Variants in SLC5A1 observed in about 807,000 individuals in gnomAD.
SLC5A1 encodes the protein solute carrier family 5 member 1.
Under a neutral mutation model 73.5 loss-of-function variants are expected in SLC5A1, and 42 were observed. The observed-to-expected ratio is 0.57, with a 90% CI of 0.45 to 0.74. SLC5A1 has a LOEUF of 0.74. Among genes scored for constraint, SLC5A1 ranks in the 30% least tolerant of loss-of-function variants. The pLI, the probability that SLC5A1 is intolerant of heterozygous loss-of-function variation, is 0.00. For synonymous variants in SLC5A1, 300 were observed against 317.4 expected, an observed-to-expected ratio of 0.95 and a Z score of 0.58; for missense variants, 634 against 855.4, an observed-to-expected ratio of 0.74 and a Z score of 3.23.
chr22:32,061,496 A>C (rs2093962968), intron 2 of SLC5A1, among the ~76,000 whole-genome samples: 1 of 152,126 alleles, frequency 6.6e-6, no homozygotes, highest in East Asian at 1.9e-4. Context: ...AGGAGGCACA[A>C]GGGGGAAACA....
chr22:32,091,830 C>T, intron 11 of SLC5A1, 68 bp downstream of exon 11: 1 of 1,546,778 alleles, frequency 6.5e-7, no homozygotes. Context: ...TGTTACCCCT[C>T]AAGCTAGGGA....
chr22:32,087,956 G>A (rs892366678), intron 10 of SLC5A1, among the ~76,000 whole-genome samples: 1 of 152,118 alleles, frequency 6.6e-6, no homozygotes, highest in Non-Finnish European at 1.5e-5. Flanking sequence ...TGAGGAATTC[G>A]GGAGAGTCTT....
In SLC5A1 at chr22:32,086,217, C is replaced by G; in HGVS notation, c.1022-3C>G. 1 of 1,603,684 alleles carries G rather than the reference C, an allele frequency of 6.2e-7. No individual in the cohort carries two copies. Among genetic ancestry groups the G allele is most frequent in the South Asian group, 1.1e-5 (1 of 90,896 alleles). On this transcript the variant is annotated splice_region_variant and splice_polypyrimidine_tract_variant and intron_variant, in intron 9 of 14. Transcript: ENST00000266088. ...GCTGACGTGGCTCTCCATCTCTTCC[C>G]AGAAAAAATTGCCTGTGTCGTCCCT...
rs369244733 is a variant in SLC5A1, at chr22:32,087,822, G to T, written c.1129+1495G>T. ...TTACTGAAAAGAAACTTAGAGACTA[G>T]TCAAATTCTTTCATTTTACAGTTGG... On this transcript the variant is annotated intron_variant, in intron 10 of 14. Coordinates refer to ENST00000266088, the MANE Select transcript of SLC5A1 (RefSeq NM_000343.4). Among the ~76,000 whole-genome samples the T allele has an allele frequency of 4.6e-5, 7 of 152,216 alleles. No individual in the cohort carries two copies. In the East Asian group the frequency reaches 9.6e-4, roughly 21 times the overall value.
At chr22:32,050,740 G>A (rs2093944060) in intron 2 of SLC5A1, among the ~76,000 whole-genome samples, 1 of 152,236 alleles carries the variant, frequency 6.6e-6, no homozygotes, top group Non-Finnish European at 1.5e-5. Flanking sequence ...GGGACAATCA[G>A]AGGGAAGGAG....
At chr22:32,080,103 C>T (rs1056510233) in intron 5 of SLC5A1, among the ~76,000 whole-genome samples, 3 of 152,194 alleles carry the variant, frequency 2.0e-5, no homozygotes, top group African/African-American at 7.2e-5. Flanking sequence ...CCTAGAGTGG[C>T]GGCACTGGGG....
intron 12 of SLC5A1, among the ~76,000 whole-genome samples, chr22:32,100,213 G>A (rs1308035484): frequency 6.6e-6 from 1 of 152,116 alleles, no homozygotes; most frequent in African/African-American, 2.4e-5. Context: ...GGTAGGTCAG[G>A]GTTTCATTAA....
At chr22:32,091,855 CT>C in intron 11 of SLC5A1, 93 bp downstream of exon 11, 2 of 1,291,170 alleles carry the variant, frequency 1.5e-6, no homozygotes, top group East Asian at 4.6e-5. Flanking sequence ...TGGCAGATGC[CT>C]GGGTAGAATG....
At position 32,102,155 on chromosome 22, in the gene SLC5A1, A is replaced by G; in HGVS notation, c.1583A>G (p.Tyr528Cys). 6.2e-7 allele frequency: 1 copy of G among 1,614,048 alleles called. No homozygotes were observed. Among genetic ancestry groups the G allele is most frequent in the Non-Finnish European group, 8.5e-7 (1 of 1,180,016 alleles). The change falls in exon 13 of 15, where the codon TAC (tyrosine) becomes TGC (cysteine). Residue 528 changes from tyrosine to cysteine, a missense_variant. Transcript: ENST00000266088. ...PTIICGVHYL[Y>C]FAIILFAISF... The stretch of plus-strand genomic sequence containing the variant: ...ATTATCTGTGGGGTGCACTACTTGT[A>G]CTTTGCCATTATCCTCTTCGCCATT...
At chr22:32,098,484 T>C (rs1603140411) in intron 11 of SLC5A1, among the ~76,000 whole-genome samples, 1 of 152,206 alleles carries the variant, frequency 6.6e-6, no homozygotes, top group East Asian at 1.9e-4. Context: ...AAATGTCTCC[T>C]ATGTCACACA....
At chr22:32,068,797 G>A (rs1422229202) in intron 5 of SLC5A1, among the ~76,000 whole-genome samples, 197 bp downstream of exon 5, 1 of 152,162 alleles carries the variant, frequency 6.6e-6, no homozygotes, top group Non-Finnish European at 1.5e-5. Context: ...CTCCACTGTG[G>A]TGCAGGCTGA....
chr22:32,066,124 T>C (rs566593920), intron 2 of SLC5A1, among the ~76,000 whole-genome samples: 1 of 152,308 alleles, frequency 6.6e-6, no homozygotes, highest in South Asian at 2.1e-4. Flanking sequence ...ACCTGATACT[T>C]TCTTTTTTTG....
intron 2 of SLC5A1, among the ~76,000 whole-genome samples, chr22:32,054,444 G>C (rs2033467491): frequency 2.0e-5 from 3 of 152,314 alleles, no homozygotes; most frequent in Middle Eastern, 6.8e-3. Flanking sequence ...GGTTCAGTGG[G>C]AGGGAGAAGG....
chr22:32,079,218 G>C (rs546070203), intron 5 of SLC5A1, among the ~76,000 whole-genome samples: 19 of 152,280 alleles, frequency 1.2e-4, no homozygotes, highest in Admixed American at 2.6e-4. Context: ...ACCCAGACTA[G>C]AGTGGCCTTG....
At chr22:32,078,302 C>CT (rs1207170714) in intron 5 of SLC5A1, among the ~76,000 whole-genome samples, 8 of 152,028 alleles carry the variant, frequency 5.3e-5, no homozygotes. Flanking sequence ...GAGCAAAACT[C>CT]TATCACCCAG....
intron 1 of SLC5A1, among the ~76,000 whole-genome samples, chr22:32,049,203 ATATCTATATCTATATCTATATCTATAT>A: frequency 7.1e-6 from 1 of 140,190 alleles, no homozygotes; most frequent in East Asian, 2.0e-4. Context: ...ATCTATATCT[ATATCTATATCTATATCTATATCTATAT>A]ATATGATGAT....
intron 13 of SLC5A1, 96 bp downstream of exon 13, chr22:32,102,333 A>T (rs2094038080): frequency 2.3e-6 from 2 of 866,674 alleles, no homozygotes; most frequent in South Asian, 1.4e-5. Flanking sequence ...GGTACATAAT[A>T]GTTGTATATA....
chr22:32,087,376 A>C (rs939337357), intron 10 of SLC5A1, among the ~76,000 whole-genome samples: 2 of 152,218 alleles, frequency 1.3e-5, no homozygotes, highest in South Asian at 4.1e-4. Flanking sequence ...TTTACTTGCC[A>C]ATTAAAAAAT....
At chr22:32,094,191 C>A (rs982858068) in intron 11 of SLC5A1, among the ~76,000 whole-genome samples, 6 of 152,136 alleles carry the variant, frequency 3.9e-5, no homozygotes. Flanking sequence ...GTACGAAACC[C>A]ACTTGATCAT....
Sources: allele counts gnomAD v4.1 joint callset (sites outside exome capture counted in the v4.1 genomes callset), GRCh38; gene constraint gnomAD v4.1.1; transcripts MANE v1.5; gene names NCBI Gene and HGNC (gene_info 2026-07-23, HGNC 2026-07-21).